The following SLC16A7 variants were observed in gnomAD, a reference collection of about 807,000 sequenced individuals.
The protein encoded by SLC16A7 is monocarboxylate transporter 2.
In SLC16A7, 33 loss-of-function variants were observed where a neutral mutation model predicts 34.9. The ratio of observed to expected loss-of-function variants is 0.94; its 90% CI spans 0.72 to 1.26. SLC16A7 has a LOEUF of 1.26. SLC16A7 is among the 50% of genes most tolerant of loss of function. SLC16A7 has a pLI of 0.00. For synonymous variants in SLC16A7, 201 were observed against 206.6 expected (o/e 0.97, Z 0.23); for missense variants, 573 against 578.1 (o/e 0.99, Z 0.09).
At position 59,628,118 on chromosome 12, in the gene SLC16A7, A is replaced by T. The variant is rs375222410; in HGVS notation, c.-129-27034A>T. On this transcript the variant is annotated intron_variant, in intron 1 of 5. Coordinates refer to ENST00000547379, the MANE Select transcript of SLC16A7 (RefSeq NM_001270623.2). ...GAGATCTTTAATATTGTCCACCTGA[A>T]CTATTCCATAGCTCCTCTCTTTACT... Among the ~76,000 whole-genome samples, 19 of 151,858 alleles carry T rather than the reference A, an allele frequency of 1.3e-4. No homozygotes were observed. In the East Asian group the frequency reaches 2.5e-3, roughly 20 times the overall value.
At chr12:59,672,090 TC>T (rs63015762) in intron 2 of SLC16A7, among the ~76,000 whole-genome samples, 1,647 of 1,706 alleles carry the variant, frequency 0.97, 794 homozygotes, top group South Asian at 0.99. Flanking sequence ...TGTGTATATA[TC>T]GCATATATCC....
intron 1 of SLC16A7, among the ~76,000 whole-genome samples, chr12:59,642,510 T>G (rs1880730818): frequency 2.0e-5 from 3 of 152,130 alleles, no homozygotes; most frequent in African/African-American, 7.2e-5. Flanking sequence ...TAAAGCTTAA[T>G]GCAGTACCTG....
chr12:59,624,059 A>G (rs1384705382), intron 1 of SLC16A7, among the ~76,000 whole-genome samples: 1 of 151,484 alleles, frequency 6.6e-6, no homozygotes, highest in East Asian at 1.9e-4. Context: ...GATTAGACTA[A>G]TCATCATCTT....
rs551898800 is a variant in SLC16A7 at position 59,766,296 on chromosome 12, T to C, written c.218-4923T>C. 1.4e-4 allele frequency among the ~76,000 whole-genome samples: 22 copies of C among 152,312 alleles called. 1 individual carries two copies. The East Asian group carries it at 3.9e-3, about 27-fold the overall frequency. ...TGCAAACAGGGACAATTTGACTTCC[T>C]CTTTTCCTAATTGAATGCCGTTTAT... On this transcript the variant is annotated intron_variant, in intron 3 of 5. Transcript: ENST00000547379.
At chr12:59,713,337 G>A (rs1874479169) in intron 3 of SLC16A7, among the ~76,000 whole-genome samples, 1 of 152,042 alleles carries the variant, frequency 6.6e-6, no homozygotes, top group Non-Finnish European at 1.5e-5. Context: ...TCCTTTAAAA[G>A]AAGGACCTTT....
At chr12:59,668,456 G>A (rs899149530) in intron 2 of SLC16A7, among the ~76,000 whole-genome samples, 14 of 152,148 alleles carry the variant, frequency 9.2e-5, no homozygotes, top group South Asian at 8.3e-4. Flanking sequence ...AATGACTGCC[G>A]TATTGGATTT....
At chr12:59,635,566 A>G (rs1393522935) in intron 1 of SLC16A7, among the ~76,000 whole-genome samples, 1 of 152,072 alleles carries the variant, frequency 6.6e-6, no homozygotes, top group Non-Finnish European at 1.5e-5. Flanking sequence ...TGAATTTTCC[A>G]GCAGTTTGAA....
intron 3 of SLC16A7, among the ~76,000 whole-genome samples, chr12:59,754,057 A>G (rs1345313714): frequency 6.6e-6 from 1 of 152,150 alleles, no homozygotes; most frequent in African/African-American, 2.4e-5. Context: ...TTTGAAACCA[A>G]TGAGAACAAA....
chr12:59,753,901 C>T (rs1879929587), intron 3 of SLC16A7, among the ~76,000 whole-genome samples: 2 of 152,096 alleles, frequency 1.3e-5, no homozygotes, highest in Non-Finnish European at 2.9e-5. Context: ...ATTATAACAA[C>T]CTGTCTCTCA....
chr12:59,721,603 T>C (rs149030771), intron 3 of SLC16A7, among the ~76,000 whole-genome samples: 1 of 152,034 alleles, frequency 6.6e-6, no homozygotes, highest in African/African-American at 2.4e-5. Context: ...GTCCTTCCCT[T>C]TAAGCAAAAC....
At chr12:59,738,653 A>C (rs1877892571) in intron 3 of SLC16A7, among the ~76,000 whole-genome samples, 1 of 152,174 alleles carries the variant, frequency 6.6e-6, no homozygotes, top group Non-Finnish European at 1.5e-5. Flanking sequence ...GGCAGGGAAT[A>C]GTATTGACCC....
In SLC16A7 at chr12:59,781,255, ATATT is replaced by A. The variant is rs1883224710; in HGVS notation, c.*1580_*1583del. ...CATTATGACTAAAGTTATAAATACAATATTTATATCTATAAATCTGAAGTTTAAC... is the reference window on the plus strand; with the variant it reads ...CATTATGACTAAAGTTATAAATACAATATATCTATAAATCTGAAGTTTAAC... On this transcript the variant is annotated 3_prime_UTR_variant, in exon 6 of 6. Coordinates refer to ENST00000547379, the MANE Select transcript of SLC16A7 (RefSeq NM_001270623.2). 1 of 152,178 alleles carries A rather than the reference ATATT, an allele frequency of 6.6e-6. No homozygotes were observed. The highest frequency in any genetic ancestry group is 1.5e-5 in the Non-Finnish European group (1 of 68,012). 9.4% of individuals were successfully genotyped at this position (152,178 alleles called of 1,614,324 possible). A position where few individuals can be genotyped will look rare whatever the true frequency, so the allele number is the denominator to read the frequency against.
Position 59,615,091 on chromosome 12 carries a change from T to C in SLC16A7, c.-130+18855T>C, listed in dbSNP as rs367839507. 4.6e-4 allele frequency among the ~76,000 whole-genome samples: 70 copies of C among 152,200 alleles called. 6 individuals are homozygous for C. The South Asian group carries it at 7.3e-3, about 16-fold the overall frequency. On this transcript the variant is annotated intron_variant, in intron 1 of 5. Transcript: ENST00000547379. ...CCTCTTGCTCTTCTGTCTTCAGCCATTTCAGGACGCAATGTTTCCTCTCAG... is the reference window on the plus strand; with the variant it reads ...CCTCTTGCTCTTCTGTCTTCAGCCACTTCAGGACGCAATGTTTCCTCTCAG...
At chr12:59,708,375 A>G (rs532252025) in intron 3 of SLC16A7, among the ~76,000 whole-genome samples, 2 of 152,140 alleles carry the variant, frequency 1.3e-5, no homozygotes, top group Non-Finnish European at 2.9e-5. Flanking sequence ...TCTGAAAACA[A>G]CTTCACTTTA....
At position 59,771,520 on chromosome 12, in the gene SLC16A7, C is replaced by G. The variant is rs1195343968; in HGVS notation, c.361+158C>G. Among the ~76,000 whole-genome samples, 3 of 152,036 alleles carry G rather than the reference C, an allele frequency of 2.0e-5. No homozygotes were observed. The East Asian group carries it at 5.8e-4, about 29-fold the overall frequency. On this transcript the variant is annotated intron_variant, in intron 4 of 5. Coordinates refer to ENST00000547379, the MANE Select transcript of SLC16A7 (RefSeq NM_001270623.2). Reference sequence around the variant, plus strand: ...TTCATCTAGTACATTGAAATTCAAGCTATATAATGGGCAAACATTTCATTT... The same window carrying G: ...TTCATCTAGTACATTGAAATTCAAGGTATATAATGGGCAAACATTTCATTT...
chr12:59,605,364 A>G (rs1016379939), intron 1 of SLC16A7, among the ~76,000 whole-genome samples: 1 of 152,184 alleles, frequency 6.6e-6, no homozygotes, highest in East Asian at 1.9e-4. Flanking sequence ...CCTATAACTC[A>G]GTTTGCAAGG....
chr12:59,649,450 G>T (rs1171420801), intron 1 of SLC16A7, among the ~76,000 whole-genome samples: 1 of 152,150 alleles, frequency 6.6e-6, no homozygotes, highest in Non-Finnish European at 1.5e-5. Context: ...GTTTAAAGGT[G>T]TTTTGCTATT....
At chr12:59,702,854 A>G (rs776266087) in intron 2 of SLC16A7, among the ~76,000 whole-genome samples, 1 of 151,610 alleles carries the variant, frequency 6.6e-6, no homozygotes, top group Non-Finnish European at 1.5e-5. Flanking sequence ...TTCTAATTCT[A>G]TTTATATTAT....
At chr12:59,672,747 G>A (rs549773503) in intron 2 of SLC16A7, among the ~76,000 whole-genome samples, 47 of 152,176 alleles carry the variant, frequency 3.1e-4, no homozygotes, top group African/African-American at 1.0e-3. Flanking sequence ...ACTAAGGGTG[G>A]ATAGCAAATA....
Sources: gnomAD v4.1 joint callset for allele counts (sites outside exome capture counted in the v4.1 genomes callset) on GRCh38, gnomAD v4.1.1 for gene constraint, MANE v1.5 for transcripts, NCBI Gene and HGNC (gene_info 2026-07-23, HGNC 2026-07-21) for gene names.